The following UGT1A8 variants were observed in gnomAD, a reference collection of about 807,000 sequenced individuals.
The protein encoded by UGT1A8 is UDP-glucuronosyltransferase 1A8.
UGT1A8 carries 39 observed loss-of-function variants against 45.3 expected under a neutral mutation model. The ratio of observed to expected loss-of-function variants is 0.86; its 90% CI spans 0.67 to 1.12. UGT1A8 has a LOEUF of 1.12. UGT1A8 is among the 50% of genes most tolerant of loss of function. The pLI is 0.00. For missense variants in UGT1A8, 719 were observed against 664.9 expected (o/e 1.08, Z -0.90); for synonymous variants, 275 against 249.2 (o/e 1.10, Z -0.97).
intron 1 of UGT1A8, among the ~76,000 whole-genome samples, chr2:233,702,352 T>C (rs891619991): frequency 3.9e-5 from 6 of 152,206 alleles, no homozygotes; most frequent in African/African-American, 1.2e-4. Flanking sequence ...TCTAATAGTT[T>C]TTTTTTAGTG....
chr2:233,679,177 T>C (rs1350957015), intron 1 of UGT1A8, among the ~76,000 whole-genome samples: 1 of 152,140 alleles, frequency 6.6e-6, no homozygotes, highest in Admixed American at 6.5e-5. Flanking sequence ...ACGTAGACCA[T>C]TTTGACACCT....
chr2:233,679,229 C>T (rs1164085871), intron 1 of UGT1A8, among the ~76,000 whole-genome samples: 1 of 152,170 alleles, frequency 6.6e-6, no homozygotes, highest in Non-Finnish European at 1.5e-5. Flanking sequence ...AGGGAATGGT[C>T]CAATATCGAA....
chr2:233,739,933 AAGGTTGGTACC>A (rs1221573721), intron 1 of UGT1A8, among the ~76,000 whole-genome samples: 1 of 151,674 alleles, frequency 6.6e-6, no homozygotes, highest in Non-Finnish European at 1.5e-5. Context: ...CCCATGTGTT[AAGGTTGGTACC>A]TGGTGGGAGC....
rs1309329692 is a variant in UGT1A8, at chr2:233,769,709, G to A, written c.1295+1270G>A. 5 of 1,509,378 alleles carry A rather than the reference G, an allele frequency of 3.3e-6. No homozygotes were observed. The highest frequency in any genetic ancestry group is 2.0e-5 in the Admixed American group (1 of 49,512). The allele number at this position is 1,509,378 out of a possible 1,614,324, so 93.5% of individuals were successfully genotyped here. A position where few individuals can be genotyped will look rare whatever the true frequency, so the allele number is the denominator to read the frequency against. ...GGCACTGGATAAAAGATCAATGTTG[G>A]CTAGGCACCATGGCACACGCCTGTA... On this transcript the variant is annotated intron_variant, in intron 4 of 4. Transcript: ENST00000373450. The surrounding 1 kb of genome is among the most constrained non-coding windows in gnomAD (Gnocchi z 4.4).
chr2:233,731,446 C>G (rs1336068752), intron 1 of UGT1A8, among the ~76,000 whole-genome samples: 3 of 152,132 alleles, frequency 2.0e-5, no homozygotes, highest in Non-Finnish European at 4.4e-5. Flanking sequence ...GTCCCCCACC[C>G]CACAACAGGC....
intron 1 of UGT1A8, among the ~76,000 whole-genome samples, chr2:233,710,212 T>C (rs942743285): frequency 6.6e-6 from 1 of 152,260 alleles, no homozygotes; most frequent in African/African-American, 2.4e-5. Flanking sequence ...TTGGCTATTA[T>C]GAATAAAGCT....
chr2:233,656,156 C>G (rs1188760334), intron 1 of UGT1A8, among the ~76,000 whole-genome samples: 1 of 152,196 alleles, frequency 6.6e-6, no homozygotes, highest in Non-Finnish European at 1.5e-5. Context: ...GCCATCCTGA[C>G]TCATGCGTAT....
intron 1 of UGT1A8, among the ~76,000 whole-genome samples, chr2:233,623,665 C>T (rs1473151502): frequency 6.6e-6 from 1 of 152,068 alleles, no homozygotes; most frequent in Non-Finnish European, 1.5e-5. Flanking sequence ...AATTAAATTT[C>T]CCCCATTTTC....
intron 1 of UGT1A8, chr2:233,743,397 A>G (rs1186431371): frequency 1.6e-6 from 2 of 1,281,698 alleles, no homozygotes; most frequent in Non-Finnish European, 2.1e-6. Context: ...TGCAGAAGGA[A>G]GAAAGGCCCC....
intron 1 of UGT1A8, among the ~76,000 whole-genome samples, chr2:233,670,041 G>A (rs2074150507): frequency 6.6e-6 from 1 of 152,146 alleles, no homozygotes; most frequent in South Asian, 2.1e-4. Flanking sequence ...CTGTGCACTA[G>A]AAGCCTTACC....
intron 1 of UGT1A8, chr2:233,718,894 G>A: frequency 6.2e-7 from 1 of 1,614,034 alleles, no homozygotes; most frequent in Non-Finnish European, 8.5e-7. Context: ...GTCCAGCCCT[G>A]GGCTGAGAGT....
chr2:233,704,715 G>T (rs973511886), intron 1 of UGT1A8, among the ~76,000 whole-genome samples: 5 of 152,008 alleles, frequency 3.3e-5, no homozygotes, highest in African/African-American at 1.2e-4. Flanking sequence ...AGCCCAATTT[G>T]CCTTTGCTCC....
At chr2:233,709,200 C>A (rs1423468626) in intron 1 of UGT1A8, among the ~76,000 whole-genome samples, 10 of 152,062 alleles carry the variant, frequency 6.6e-5, no homozygotes. Flanking sequence ...TGGATCCTCA[C>A]CAGAAGTACA....
chr2:233,761,403 A>G (rs1379452016), intron 1 of UGT1A8, among the ~76,000 whole-genome samples: 2 of 152,210 alleles, frequency 1.3e-5, no homozygotes, highest in Non-Finnish European at 2.9e-5. Context: ...ATAGTAATCA[A>G]TTAGAAACAA....
chr2:233,762,430 C>A (rs796065862), intron 1 of UGT1A8, among the ~76,000 whole-genome samples: 1 of 152,178 alleles, frequency 6.6e-6, no homozygotes, highest in African/African-American at 2.4e-5. Context: ...AATAGAGTAA[C>A]AGTGTATTCC....
intron 1 of UGT1A8, chr2:233,713,102 T>C: frequency 1.9e-6 from 3 of 1,614,146 alleles, no homozygotes; most frequent in Non-Finnish European, 2.5e-6. Context: ...TGCCCACTGA[T>C]GGCAGCCACT....
chr2:233,695,630 G>A (rs979864774), intron 1 of UGT1A8, among the ~76,000 whole-genome samples: 8 of 151,156 alleles, frequency 5.3e-5, no homozygotes, highest in African/African-American at 1.9e-4. Context: ...ACCTCCATGA[G>A]ACCCACTTTT....
chr2:233,668,268 A>C (rs2074117747), intron 1 of UGT1A8, among the ~76,000 whole-genome samples: 1 of 151,646 alleles, frequency 6.6e-6, no homozygotes, highest in East Asian at 1.9e-4. Context: ...AAGTGTTCTC[A>C]TTGTTTAAAT....
intron 1 of UGT1A8, among the ~76,000 whole-genome samples, chr2:233,658,018 C>CTTT (rs34352422): frequency 7.8e-6 from 1 of 128,076 alleles, no homozygotes; most frequent in Non-Finnish European, 1.7e-5. Flanking sequence ...GTTTCCTCCT[C>CTTT]TTTTTTTTTT....
Sources: gnomAD v4.1 joint callset for allele counts (sites outside exome capture counted in the v4.1 genomes callset) on GRCh38, gnomAD v4.1.1 for gene constraint, Gnocchi (gnomAD v3.1) non-coding constraint, MANE v1.5 for transcripts, NCBI Gene and HGNC (gene_info 2026-07-23, HGNC 2026-07-21) for gene names.